NTM: variants seen among roughly 807,000 people sequenced by gnomAD.
The protein encoded by NTM is neurotrimin.
Under a neutral mutation model 42.1 loss-of-function variants are expected in NTM, and 13 were observed. The ratio of observed to expected loss-of-function variants is 0.31; its 90% CI spans 0.20 to 0.49. The LOEUF (loss-of-function observed/expected upper bound fraction) is 0.49. Ranked by LOEUF, NTM falls within the 20% of genes least tolerant of loss-of-function variation. NTM has a pLI of 0.99. For missense variants in NTM, 373 were observed against 452.8 expected (o/e 0.82, Z 1.60); for synonymous variants, 187 against 179.2 (o/e 1.04, Z -0.35).
At chr11:131,627,525 T>G (rs936165727) in intron 1 of NTM, among the ~76,000 whole-genome samples, 1 of 151,752 alleles carries the variant, frequency 6.6e-6, no homozygotes, top group Non-Finnish European at 1.5e-5. Context: ...AGAAAAAGGG[T>G]CAAAGACAAA....
At chr11:131,434,649 T>C (rs1275370935) in intron 1 of NTM, among the ~76,000 whole-genome samples, 1 of 152,254 alleles carries the variant, frequency 6.6e-6, no homozygotes, top group Non-Finnish European at 1.5e-5. Flanking sequence ...TGTTCTTTTC[T>C]TGTAAATTTG....
intron 1 of NTM, among the ~76,000 whole-genome samples, chr11:131,752,273 A>G (rs112898722): frequency 6.6e-6 from 1 of 152,212 alleles, no homozygotes; most frequent in Non-Finnish European, 1.5e-5. Context: ...ATGCAGCCAA[A>G]AGACACATGA....
chr11:131,696,649 G>A (rs932234849), intron 1 of NTM, among the ~76,000 whole-genome samples: 2 of 152,168 alleles, frequency 1.3e-5, no homozygotes, highest in African/African-American at 4.8e-5. Flanking sequence ...CTCTCCTAAT[G>A]TGACTGCTAT....
Position 131,886,107 on chromosome 11 carries a change from T to A in NTM, c.83-25457T>A, listed in dbSNP as rs145098264. Among the ~76,000 whole-genome samples the A allele has an allele frequency of 4.9e-4, 74 of 152,314 alleles. 1 individual carries two copies. In the East Asian group the frequency reaches 0.014, roughly 29 times the overall value. ...GTACAGTTTCAACCTTGCCGTTCTC[T>A]GAGGGCAAGCCAGGCACAAGCAAGG... is the stretch of plus-strand genomic sequence containing the variant. On this transcript the variant is annotated intron_variant, in intron 1 of 8. Coordinates refer to ENST00000683400, the MANE Select transcript of NTM (RefSeq NM_001352005.2).
At chr11:131,559,956 A>G (rs2136988860) in intron 1 of NTM, among the ~76,000 whole-genome samples, 1 of 152,308 alleles carries the variant, frequency 6.6e-6, no homozygotes, top group African/African-American at 2.4e-5. Flanking sequence ...TATTGGTGAA[A>G]GCTAGAACTG....
rs139696235 is a variant in NTM, at chr11:131,657,367, A to G, written c.83-254197A>G. Among the ~76,000 whole-genome samples the G allele has an allele frequency of 2.8e-3, 430 of 152,268 alleles. 2 individuals carry two copies. Among genetic ancestry groups the G allele is most frequent in the African/African-American group, 9.9e-3 (411 of 41,566 alleles). ...TGCAGGAAGGGAGAAAAACAAGTCAAGCTTTCCCTGGCGTGGAAGAATAAA... is the reference window on the plus strand; with the variant it reads ...TGCAGGAAGGGAGAAAAACAAGTCAGGCTTTCCCTGGCGTGGAAGAATAAA... On this transcript the variant is annotated intron_variant, in intron 1 of 8. Transcript: ENST00000683400.
chr11:131,883,930 C>A (rs746498990), intron 1 of NTM, among the ~76,000 whole-genome samples: 1 of 152,106 alleles, frequency 6.6e-6, no homozygotes, highest in Non-Finnish European at 1.5e-5. Flanking sequence ...TAAAGGGATG[C>A]ATGTTTGTGT....
chr11:131,636,342 C>T (rs187858278), intron 1 of NTM, among the ~76,000 whole-genome samples: 2 of 152,114 alleles, frequency 1.3e-5, no homozygotes, highest in African/African-American at 2.4e-5. Flanking sequence ...GCAGCAGATT[C>T]GTTCCAGGAC....
chr11:132,122,146 C>T (rs898490897), intron 2 of NTM, among the ~76,000 whole-genome samples: 17 of 152,286 alleles, frequency 1.1e-4, no homozygotes, highest in South Asian at 2.1e-4. Flanking sequence ...GCCGTGCACT[C>T]GGTGTGGGCC....
chr11:131,490,875 G>A (rs369546469), intron 1 of NTM, among the ~76,000 whole-genome samples: 2 of 152,182 alleles, frequency 1.3e-5, no homozygotes, highest in African/African-American at 2.4e-5. Context: ...TTAATCAAAT[G>A]TACTTTATGT....
At position 131,552,749 on chromosome 11, in the gene NTM, C is replaced by T. The variant is rs549311735; in HGVS notation, c.82+181861C>T. 3.0e-4 allele frequency among the ~76,000 whole-genome samples: 43 copies of T among 145,128 alleles called. No individual in the cohort carries two copies. The East Asian group carries it at 8.8e-3, about 30-fold the overall frequency. On this transcript the variant is annotated intron_variant, in intron 1 of 8. Transcript: ENST00000683400. ...AGGAGAATGGTGTGAACCCGGGAGG[C>T]GGAGCTTGCAGTGAGCCGAGATTGT... is the stretch of plus-strand genomic sequence containing the variant.
chr11:131,802,973 A>G (rs955521043), intron 1 of NTM, among the ~76,000 whole-genome samples: 2 of 152,242 alleles, frequency 1.3e-5, no homozygotes, highest in African/African-American at 4.8e-5. Context: ...GATGCAGCCC[A>G]GCTCCAGATT....
intron 4 of NTM, among the ~76,000 whole-genome samples, chr11:132,304,312 G>C (rs112430983): frequency 4.6e-5 from 7 of 151,896 alleles, no homozygotes; most frequent in African/African-American, 1.5e-4. Flanking sequence ...GCTGTTGACC[G>C]TGAAGTTTCT....
chr11:132,004,992 G>A (rs531761227), intron 2 of NTM, among the ~76,000 whole-genome samples: 12 of 152,214 alleles, frequency 7.9e-5, no homozygotes, highest in South Asian at 6.2e-4. Flanking sequence ...GGGATGCTAG[G>A]ACTAAGCCAA....
intron 1 of NTM, among the ~76,000 whole-genome samples, chr11:131,503,382 C>A (rs892937253): frequency 6.6e-6 from 1 of 152,078 alleles, no homozygotes; most frequent in Non-Finnish European, 1.5e-5. Flanking sequence ...CTGATTGTTT[C>A]TGGCTCTGCA....
Position 131,504,085 on chromosome 11 carries a change from AG to A in NTM, c.82+133200del, listed in dbSNP as rs2047181107. ...CCACACTTCTGAGGACTGCTCATCC[AG>A]GGCTCCCTGGCCCCACCAGCTTCCT... On this transcript the variant is annotated intron_variant, in intron 1 of 8. Transcript: ENST00000683400. Among the ~76,000 whole-genome samples the A allele has an allele frequency of 2.0e-5, 3 of 152,268 alleles. No individual in the cohort carries two copies. In the South Asian group the frequency reaches 6.2e-4, roughly 32 times the overall value.
chr11:132,278,985 G>A (rs545842086), intron 4 of NTM, among the ~76,000 whole-genome samples: 5 of 152,174 alleles, frequency 3.3e-5, no homozygotes, highest in South Asian at 4.2e-4. Context: ...TCCACAAGAC[G>A]TCCCCTTTTG....
At chr11:131,455,369 G>T (rs1950798896) in intron 1 of NTM, 2 of 152,282 alleles carry the variant, frequency 1.3e-5, no homozygotes, top group South Asian at 4.1e-4. Context: ...GCTGCTGCTG[G>T]CATTCCCACT....
intron 1 of NTM, among the ~76,000 whole-genome samples, chr11:131,641,139 G>C (rs556879103): frequency 1.3e-5 from 2 of 152,160 alleles, no homozygotes; most frequent in South Asian, 4.1e-4. Context: ...GGTCAGACTT[G>C]CATTCTTTAC....
Sources: gnomAD v4.1 joint callset for allele counts (sites outside exome capture counted in the v4.1 genomes callset) on GRCh38, gnomAD v4.1.1 for gene constraint, MANE v1.5 for transcripts, NCBI Gene and HGNC (gene_info 2026-07-23, HGNC 2026-07-21) for gene names.